Variants in STS observed in about 807,000 individuals in gnomAD.
The protein encoded by STS is steryl-sulfatase.
STS carries 7 observed loss-of-function variants against 26.8 expected under a neutral mutation model. The observed-to-expected ratio is 0.26, with a 90% CI of 0.15 to 0.49. The LOEUF is 0.49. STS is among the 20% of genes least tolerant of loss of function. The pLI, the probability that STS is intolerant of heterozygous loss-of-function variation, is 0.98. For missense variants in STS, 434 were observed against 465.6 expected (o/e 0.93, Z 0.63); for synonymous variants, 199 against 189.4 (o/e 1.05, Z -0.42).
At chrX:7,203,856 C>G (rs1353096378) in intron 2 of STS, among the ~76,000 whole-genome samples, 2 of 111,492 alleles carry the variant, frequency 1.8e-5, no homozygotes, top group African/African-American at 6.5e-5. Context: ...ACAGTCATAG[C>G]TCATTGTAGC....
intron 7 of STS, among the ~76,000 whole-genome samples, chrX:7,277,174 C>T (rs1171357607): frequency 8.9e-6 from 1 of 112,173 alleles, no homozygotes; most frequent in Admixed American, 9.4e-5. Flanking sequence ...CATTGCTGGG[C>T]TCATCTGGAC....
At chrX:7,213,504 G>C (rs1180289324) in intron 2 of STS, among the ~76,000 whole-genome samples, 2 of 111,795 alleles carry the variant, frequency 1.8e-5, no homozygotes, top group African/African-American at 6.5e-5. Flanking sequence ...AGGCAGACAG[G>C]TGGACAGAAG....
At chrX:7,305,381 G>A (rs962957962) in intron 8 of STS, among the ~76,000 whole-genome samples, 198 bp downstream of exon 8, 3 of 112,326 alleles carry the variant, frequency 2.7e-5, no homozygotes, top group African/African-American at 6.5e-5. Flanking sequence ...CACATCTTGT[G>A]TCAAGACATT....
At chrX:7,236,811 C>T (rs947489680) in intron 2 of STS, among the ~76,000 whole-genome samples, 3 of 110,835 alleles carry the variant, frequency 2.7e-5, no homozygotes, top group Non-Finnish European at 5.7e-5. Context: ...GTGTACACAA[C>T]GCATAAATAC....
chrX:7,303,987 C>A (rs1248529151), intron 7 of STS, among the ~76,000 whole-genome samples: 1 of 111,845 alleles, frequency 8.9e-6, no homozygotes, highest in Non-Finnish European at 1.9e-5. Flanking sequence ...AATAAGACAG[C>A]AGCTATCATG....
intron 1 of STS, among the ~76,000 whole-genome samples, chrX:7,162,865 T>G (rs1601622177): frequency 1.3e-5 from 1 of 77,527 alleles, no homozygotes; most frequent in Admixed American, 1.8e-4. Context: ...GCCAGCATGG[T>G]GAAACCCCGT....
At chrX:7,264,856 A>G (rs1295437167) in intron 6 of STS, among the ~76,000 whole-genome samples, 1 of 111,610 alleles carries the variant, frequency 9.0e-6, no homozygotes, top group Non-Finnish European at 1.9e-5. Flanking sequence ...GGTGATGCTG[A>G]CAGGTGATCT....
At chrX:7,278,557 A>G (rs938410051) in intron 7 of STS, among the ~76,000 whole-genome samples, 1 of 112,018 alleles carries the variant, frequency 8.9e-6, no homozygotes, top group Non-Finnish European at 1.9e-5. Flanking sequence ...CACCAGTTCT[A>G]CTGCCCGTGA....
intron 2 of STS, among the ~76,000 whole-genome samples, chrX:7,239,273 A>T (rs1332798761): frequency 8.9e-6 from 1 of 112,042 alleles, no homozygotes; most frequent in Non-Finnish European, 1.9e-5. Context: ...TTATCGATTT[A>T]AAACAGGACC....
intron 6 of STS, among the ~76,000 whole-genome samples, chrX:7,272,217 C>CATATATATATATATATATATATAT (rs372911748): frequency 4.3e-5 from 4 of 94,036 alleles, no homozygotes; most frequent in African/African-American, 7.9e-5. Flanking sequence ...AATTTAATTA[C>CATATATATATATATATATATATAT]ATATATATAT....
At chrX:7,214,963 A>AC (rs1346905042) in intron 2 of STS, among the ~76,000 whole-genome samples, 1 of 77,005 alleles carries the variant, frequency 1.3e-5, no homozygotes, top group African/African-American at 4.6e-5. Context: ...GTATATATAT[A>AC]TTATATATGT....
intron 2 of STS, among the ~76,000 whole-genome samples, chrX:7,219,915 G>A (rs1201730622): frequency 1.8e-5 from 2 of 112,554 alleles, no homozygotes; most frequent in Non-Finnish European, 3.7e-5. Context: ...GCTAATTAGT[G>A]ACATGCAAAT....
chrX:7,218,560 G>A (rs1353979039), intron 2 of STS, among the ~76,000 whole-genome samples: 1 of 112,248 alleles, frequency 8.9e-6, no homozygotes, highest in East Asian at 2.8e-4. Flanking sequence ...GGGGCAGGTG[G>A]AGGTTGAGGA....
At chrX:7,193,571 G>C (rs1263800059) in intron 2 of STS, among the ~76,000 whole-genome samples, 2 of 111,000 alleles carry the variant, frequency 1.8e-5, no homozygotes, top group Non-Finnish European at 3.8e-5. Flanking sequence ...AGCTGAAAGG[G>C]TTCATGATTA....
Position 7,160,121 on chromosome X carries a change from G to A in STS, c.-134+12038G>A, listed in dbSNP as rs1933212200. Among the ~76,000 whole-genome samples, 4 of 112,004 alleles carry A rather than the reference G, an allele frequency of 3.6e-5. No homozygotes were observed. In the South Asian group the frequency reaches 1.5e-3, roughly 42 times the overall value. On this transcript the variant is annotated intron_variant, in intron 1 of 10. Coordinates refer to ENST00000674429, the MANE Select transcript of STS (RefSeq NM_001320752.2). ...CTGCTAAGATGTTGGGATACGTGAT[G>A]ACAGAAAATTGCTTACGGGGAATAT... is the stretch of plus-strand genomic sequence containing the variant.
chrX:7,195,151 C>A (rs1477157545), intron 2 of STS, among the ~76,000 whole-genome samples: 1 of 112,063 alleles, frequency 8.9e-6, no homozygotes, highest in Non-Finnish European at 1.9e-5. Flanking sequence ...CGCAATGTTT[C>A]TTTTCCATGT....
chrX:7,303,270 T>C (rs951425047), intron 7 of STS, among the ~76,000 whole-genome samples: 1 of 111,392 alleles, frequency 9.0e-6, no homozygotes, highest in Admixed American at 9.5e-5. Context: ...CCCAGCCATG[T>C]GATACTGTAA....
intron 2 of STS, among the ~76,000 whole-genome samples, chrX:7,192,959 G>A (rs1196376167): frequency 8.9e-6 from 1 of 112,547 alleles, no homozygotes; most frequent in Non-Finnish European, 1.9e-5. Context: ...TGCAACAAGA[G>A]GCTTTAACTT....
rs1236005444 is a variant in STS at position 7,299,065 on chromosome X, T to A, written c.944-5981T>A. Among the ~76,000 whole-genome samples, 118 of 80,058 alleles carry A rather than the reference T, an allele frequency of 1.5e-3. 1 individual carries two copies. The highest frequency in any genetic ancestry group is 9.1e-3 in the East Asian group (24 of 2,647). The allele number at this position is 80,058 out of a possible 115,157, so 69.5% of individuals were successfully genotyped here. ...TTTATATATAAATAAATATATTTATTTATATATAAATTATTTTATAATAAT... is the reference window on the plus strand; with the variant it reads ...TTTATATATAAATAAATATATTTATATATATATAAATTATTTTATAATAAT... On this transcript the variant is annotated intron_variant, in intron 7 of 10. Transcript: ENST00000674429.
Sources: allele counts gnomAD v4.1 joint callset (sites outside exome capture counted in the v4.1 genomes callset), GRCh38; gene constraint gnomAD v4.1.1; transcripts MANE v1.5; gene names NCBI Gene and HGNC (gene_info 2026-07-23, HGNC 2026-07-21).